Variants in ZNF462 observed in about 807,000 individuals in gnomAD.
ZNF462 encodes zinc finger protein 462.
Under a neutral mutation model 201.9 loss-of-function variants are expected in ZNF462, and 10 were observed. The ratio of observed to expected loss-of-function variants is 0.05; its 90% CI spans 0.03 to 0.08. The LOEUF (loss-of-function observed/expected upper bound fraction) is 0.08, where lower values mean the gene tolerates loss of function less well. Among genes scored for constraint, ZNF462 ranks in the 10% least tolerant of loss-of-function variants. The pLI is 1.00. For synonymous variants in ZNF462, 1,227 were observed against 1,193.3 expected (o/e 1.03, Z -0.58); for missense variants, 2,523 against 3,168.3 (o/e 0.80, Z 4.89).
intron 1 of ZNF462, among the ~76,000 whole-genome samples, chr9:106,903,135 C>A (rs1829133685): frequency 6.6e-6 from 1 of 151,976 alleles, no homozygotes; most frequent in Non-Finnish European, 1.5e-5. Context: ...TAGGTTGTGT[C>A]ATTAAGTTCG....
At chr9:106,897,556 C>G (rs1388386219) in intron 1 of ZNF462, among the ~76,000 whole-genome samples, 1 of 152,024 alleles carries the variant, frequency 6.6e-6, no homozygotes, top group Non-Finnish European at 1.5e-5. Flanking sequence ...GCTTCTCATC[C>G]CCTAAATACA....
At chr9:106,931,495 A>T (rs1350617458) in intron 4 of ZNF462, among the ~76,000 whole-genome samples, 1 of 152,196 alleles carries the variant, frequency 6.6e-6, no homozygotes, top group East Asian at 1.9e-4. Flanking sequence ...TGCCAATTTA[A>T]CATGAAGATA....
Position 106,928,795 on chromosome 9 carries a change from G to A in ZNF462, c.4883G>A (p.Ser1628Asn). Reference sequence around the variant, plus strand: ...GAGCCCGAGATGACCACTGAAGTGAGCCCTTCCCAAGTCTCCATCACTGAG... The same window carrying A: ...GAGCCCGAGATGACCACTGAAGTGAACCCTTCCCAAGTCTCCATCACTGAG... ...PLEPEMTTEV[S>N]PSQVSITEEE... Residue 1628 changes from serine (S) to asparagine (N), a missense_variant, in exon 3 of 13, where the codon AGC (serine) becomes AAC (asparagine). By Grantham distance (46) the Ser-to-Asn change is conservative. This residue lies in a region of ZNF462 where 200 missense variants were observed against 281.3 expected (regional missense o/e 0.71). Transcript: ENST00000277225. The surrounding 1 kb of genome is among the most constrained non-coding windows in gnomAD (Gnocchi z 9.3). 1 of 1,614,142 alleles carries A rather than the reference G, an allele frequency of 6.2e-7. No homozygotes were observed. The highest frequency in any genetic ancestry group is 8.5e-7 in the Non-Finnish European group (1 of 1,180,034).
chr9:106,867,263 G>A (rs528405396), intron 1 of ZNF462, among the ~76,000 whole-genome samples: 2 of 152,148 alleles, frequency 1.3e-5, no homozygotes, highest in South Asian at 2.1e-4. Context: ...AAACCACCAT[G>A]AGAGAAATAA....
intron 9 of ZNF462, among the ~76,000 whole-genome samples, chr9:106,980,236 A>G (rs1827317829): frequency 6.6e-6 from 1 of 152,140 alleles, no homozygotes; most frequent in Non-Finnish European, 1.5e-5. Flanking sequence ...ATTTATGGCT[A>G]TGTTTTGGGA....
At position 106,875,340 on chromosome 9, in the gene ZNF462, A is replaced by G. The variant is rs80298998; in HGVS notation, c.-31+11985A>G. 7.2e-3 allele frequency among the ~76,000 whole-genome samples: 1,100 copies of G among 152,336 alleles called. 4 individuals carry two copies. Among genetic ancestry groups the G allele is most frequent in the Non-Finnish European group, 0.011 (752 of 68,036 alleles). ...TGCAAAGCTTTCATAAATCAGCAATAGGAATCTTGAAGGATAAAAATCCCA... is the reference window on the plus strand; with the variant it reads ...TGCAAAGCTTTCATAAATCAGCAATGGGAATCTTGAAGGATAAAAATCCCA... On this transcript the variant is annotated intron_variant, in intron 1 of 12. Coordinates refer to ENST00000277225, the MANE Select transcript of ZNF462 (RefSeq NM_021224.6).
intron 10 of ZNF462, among the ~76,000 whole-genome samples, chr9:106,994,097 C>T (rs143901492): frequency 5.9e-5 from 9 of 152,156 alleles, no homozygotes; most frequent in African/African-American, 1.4e-4. Context: ...TAACTTGGTC[C>T]GCTCGTAAAA....
At chr9:106,908,918 TATATA>T (rs1829395153) in intron 1 of ZNF462, among the ~76,000 whole-genome samples, 1 of 21,262 alleles carries the variant, frequency 4.7e-5, no homozygotes, top group Non-Finnish European at 8.7e-5. Flanking sequence ...TACATATATA[TATATA>T]TATATATATA....
At chr9:106,887,391 A>G (rs972888633) in intron 1 of ZNF462, among the ~76,000 whole-genome samples, 3 of 152,212 alleles carry the variant, frequency 2.0e-5, no homozygotes, top group African/African-American at 7.2e-5. Context: ...GTATAAAAAC[A>G]GTTTCACAAA....
chr9:106,925,338 C>T lies in ZNF462; in HGVS notation c.1426C>T (p.Pro476Ser), dbSNP rs540750984. The T allele has an allele frequency of 6.2e-7, 1 of 1,614,214 alleles. No homozygotes were observed. The highest frequency in any genetic ancestry group is 1.3e-5 in the African/African-American group (1 of 75,036). ...KTAVYKCDEC[P>S]FTCKSSLKLG... ...AGCTGTCTACAAATGTGACGAATGT[C>T]CGTTTACTTGCAAGAGCTCGTTGAA... The change falls in exon 3 of 13, where the codon CCG becomes TCG. Residue 476 changes from proline to serine, a missense_variant. Transcript: ENST00000277225. This position sits in a 1 kb window ranked among gnomAD's most constrained non-coding sequence, Gnocchi z 7.9.
At chr9:106,955,383 T>G (rs930126021) in intron 7 of ZNF462, among the ~76,000 whole-genome samples, 15 of 152,142 alleles carry the variant, frequency 9.9e-5, no homozygotes, top group African/African-American at 3.1e-4. Flanking sequence ...ATATCTTAAT[T>G]AAAAAATGAT....
At position 106,927,633 on chromosome 9, in the gene ZNF462, C is replaced by G; in HGVS notation, c.3721C>G (p.Gln1241Glu). ...ATIRSLCDRN[Q>E]KKPASCVLVS... ...CATTCGAAGCCTCTGCGACCGAAAT[C>G]AGAAGAAGCCTGCCAGCTGCGTGCT... The change falls in exon 3 of 13, where the codon CAG becomes GAG. Residue 1241 changes from glutamine to glutamate, a missense_variant. Coordinates refer to ENST00000277225, the MANE Select transcript of ZNF462 (RefSeq NM_021224.6). The G allele has an allele frequency of 6.2e-7, 1 of 1,614,036 alleles. No individual in the cohort carries two copies. Among genetic ancestry groups the G allele is most frequent in the Middle Eastern group, 1.6e-4 (1 of 6,062 alleles).
At position 106,890,410 on chromosome 9, in the gene ZNF462, T is replaced by A. The variant is rs958372387; in HGVS notation, c.-31+27055T>A. Among the ~76,000 whole-genome samples the A allele has an allele frequency of 1.3e-5, 2 of 152,212 alleles. No homozygotes were observed. The highest frequency in any genetic ancestry group is 2.9e-5 in the Non-Finnish European group (2 of 68,040). ...TTGTCGGGAGAATTCCTTCATTTCC[T>A]TCTGGAGTCCTTTTTGGGCATACAA... On this transcript the variant is annotated intron_variant, in intron 1 of 12. Coordinates refer to ENST00000277225, the MANE Select transcript of ZNF462 (RefSeq NM_021224.6). The surrounding 1 kb of genome is among the most constrained non-coding windows in gnomAD (Gnocchi z 4.2).
intron 1 of ZNF462, among the ~76,000 whole-genome samples, chr9:106,892,424 C>T (rs546519513): frequency 1.3e-5 from 2 of 152,260 alleles, no homozygotes; most frequent in Admixed American, 1.3e-4. Context: ...CATCCCCATG[C>T]CCCACTCAAT....
intron 10 of ZNF462, among the ~76,000 whole-genome samples, chr9:107,001,094 C>G (rs1464227110): frequency 1.3e-5 from 2 of 152,066 alleles, no homozygotes; most frequent in South Asian, 2.1e-4. Context: ...TTCCCTGATT[C>G]CTAATGGTGA....
chr9:106,904,888 A>G (rs534159221), intron 1 of ZNF462, among the ~76,000 whole-genome samples: 1 of 152,136 alleles, frequency 6.6e-6, no homozygotes, highest in Non-Finnish European at 1.5e-5. Context: ...GATTAGCTTA[A>G]TAACTAACCT....
chr9:106,912,047 G>A (rs1198137222), intron 1 of ZNF462, among the ~76,000 whole-genome samples: 3 of 152,244 alleles, frequency 2.0e-5, no homozygotes, highest in East Asian at 3.9e-4. Context: ...TGGCTTTTTT[G>A]ACAGACATTC....
chr9:106,897,497 A>G (rs1331129940), intron 1 of ZNF462, among the ~76,000 whole-genome samples: 1 of 151,792 alleles, frequency 6.6e-6, no homozygotes, highest in Non-Finnish European at 1.5e-5. Context: ...TTTTTTTAGT[A>G]ATTCCATGGA....
chr9:106,949,369 C>G (rs1054182536), intron 7 of ZNF462, among the ~76,000 whole-genome samples: 2 of 152,132 alleles, frequency 1.3e-5, no homozygotes, highest in African/African-American at 4.8e-5. Context: ...CAAGGAAAGC[C>G]AAGAGAACAA....
Sources: allele counts gnomAD v4.1 joint callset (sites outside exome capture counted in the v4.1 genomes callset), GRCh38; gene constraint gnomAD v4.1.1; regional missense constraint gnomAD v4.1.1; non-coding constraint Gnocchi (gnomAD v3.1); transcripts MANE v1.5; gene names NCBI Gene and HGNC (gene_info 2026-07-23, HGNC 2026-07-21).